ANKS1B: variants seen among roughly 807,000 people sequenced by gnomAD.
ANKS1B encodes ankyrin repeat and sterile alpha motif domain-containing protein 1B.
In ANKS1B, 36 loss-of-function variants were observed where a neutral mutation model predicts 148.3. The ratio of observed to expected loss-of-function variants is 0.24; its 90% CI spans 0.19 to 0.32. ANKS1B has a LOEUF of 0.32. ANKS1B is among the 10% of genes least tolerant of loss of function. ANKS1B has a pLI of 1.00. For missense variants in ANKS1B, 1,157 were observed against 1,542.6 expected (o/e 0.75, Z 4.19); for synonymous variants, 542 against 560.8 (o/e 0.97, Z 0.47).
At chr12:99,190,047 T>C (rs2638577) in intron 14 of ANKS1B, among the ~76,000 whole-genome samples, 103,181 of 151,932 alleles carry the variant, frequency 0.68, 36,743 homozygotes, top group Admixed American at 0.8. Context: ...ACATCAATAA[T>C]AGACAAACAG....
intron 10 of ANKS1B, among the ~76,000 whole-genome samples, chr12:99,465,599 T>C (rs1362368570): frequency 1.3e-5 from 2 of 151,870 alleles, no homozygotes; most frequent in Admixed American, 6.6e-5. Context: ...TGGAGGAAGA[T>C]CTACCAAGCA....
chr12:99,874,571 A>C (rs2153731374), intron 1 of ANKS1B, among the ~76,000 whole-genome samples: 1 of 152,338 alleles, frequency 6.6e-6, no homozygotes, highest in South Asian at 2.1e-4. Flanking sequence ...TCAAACTAAA[A>C]GAGGCATAGC....
chr12:99,879,100 T>C (rs1332696265), intron 1 of ANKS1B, among the ~76,000 whole-genome samples: 1 of 152,106 alleles, frequency 6.6e-6, no homozygotes, highest in Non-Finnish European at 1.5e-5. Context: ...GCTTAATGAG[T>C]AGTAAGCTTT....
chr12:98,933,924 T>C (rs755299050), intron 17 of ANKS1B, among the ~76,000 whole-genome samples: 13 of 152,112 alleles, frequency 8.5e-5, no homozygotes, highest in Admixed American at 1.3e-4. Flanking sequence ...ATCTGATATA[T>C]GGTTTGCAAA....
intron 15 of ANKS1B, among the ~76,000 whole-genome samples, chr12:99,105,520 AT>A (rs1566104357): frequency 6.6e-6 from 1 of 151,996 alleles, no homozygotes; most frequent in Admixed American, 6.6e-5. Flanking sequence ...TAAAAACAAA[AT>A]TTTTTGGGAG....
chr12:99,482,040 G>C (rs2096418876), intron 10 of ANKS1B, among the ~76,000 whole-genome samples: 1 of 151,700 alleles, frequency 6.6e-6, no homozygotes, highest in Non-Finnish European at 1.5e-5. Context: ...AGTTTAATTA[G>C]GTCCCATTTA....
intron 17 of ANKS1B, among the ~76,000 whole-genome samples, chr12:98,922,470 T>C (rs768367820): frequency 1.3e-5 from 2 of 152,170 alleles, no homozygotes; most frequent in Non-Finnish European, 2.9e-5. Context: ...ATTAAGTTAA[T>C]GTAACTGTTT....
chr12:99,701,612 T>C (rs2054834002), intron 8 of ANKS1B, among the ~76,000 whole-genome samples: 1 of 152,150 alleles, frequency 6.6e-6, no homozygotes, highest in Non-Finnish European at 1.5e-5. Context: ...CCTGTTGTGC[T>C]ATTAAATACT....
chr12:99,496,127 G>C (rs113441147), intron 10 of ANKS1B, among the ~76,000 whole-genome samples: 5 of 152,240 alleles, frequency 3.3e-5, no homozygotes, highest in African/African-American at 1.2e-4. Flanking sequence ...CTTTGCTGGT[G>C]GTTTTGTAAA....
chr12:99,245,134 C>T (rs1275046801), intron 13 of ANKS1B, among the ~76,000 whole-genome samples: 2 of 152,170 alleles, frequency 1.3e-5, no homozygotes, highest in Non-Finnish European at 1.5e-5. Flanking sequence ...GGATTACAGG[C>T]ATGAGCCACC....
chr12:98,810,101 A>G (rs1002251111), intron 19 of ANKS1B, among the ~76,000 whole-genome samples: 1 of 152,216 alleles, frequency 6.6e-6, no homozygotes, highest in African/African-American at 2.4e-5. Context: ...AACAATTTGC[A>G]CCTCCACCAG....
At chr12:99,971,387 C>T (rs1430358813) in intron 1 of ANKS1B, among the ~76,000 whole-genome samples, 1 of 152,110 alleles carries the variant, frequency 6.6e-6, no homozygotes, top group African/African-American at 2.4e-5. Context: ...TTGCTGCTTC[C>T]CCCAAACACA....
intron 4 of ANKS1B, among the ~76,000 whole-genome samples, chr12:99,788,714 T>G (rs942401924): frequency 6.6e-6 from 1 of 152,104 alleles, no homozygotes; most frequent in African/African-American, 2.4e-5. Flanking sequence ...GAATCTGTCC[T>G]GGACCAGAGG....
intron 11 of ANKS1B, among the ~76,000 whole-genome samples, chr12:99,437,518 C>T (rs2095481153): frequency 1.3e-5 from 2 of 151,712 alleles, no homozygotes; most frequent in African/African-American, 2.4e-5. Flanking sequence ...TTTTTCTGCC[C>T]GTGGTCACTT....
chr12:99,201,583 G>A (rs1199076605), intron 14 of ANKS1B, among the ~76,000 whole-genome samples: 1 of 152,048 alleles, frequency 6.6e-6, no homozygotes, highest in East Asian at 1.9e-4. Context: ...ATGCCAACAC[G>A]CTCCTGTCTT....
chr12:99,156,139 C>T (rs1386301972), intron 14 of ANKS1B, among the ~76,000 whole-genome samples: 1 of 152,086 alleles, frequency 6.6e-6, no homozygotes, highest in African/African-American at 2.4e-5. Context: ...ACTTTCCTGG[C>T]ACACAGACAT....
At chr12:99,809,259 C>T (rs1373593854) in intron 3 of ANKS1B, among the ~76,000 whole-genome samples, 2 of 151,750 alleles carry the variant, frequency 1.3e-5, no homozygotes, top group African/African-American at 4.8e-5. Context: ...AAGCCATTTA[C>T]CAAAAACTCT....
At chr12:98,959,298 T>A (rs2099867394) in intron 17 of ANKS1B, among the ~76,000 whole-genome samples, 1 of 152,178 alleles carries the variant, frequency 6.6e-6, no homozygotes, top group African/African-American at 2.4e-5. Flanking sequence ...CTCTGTCCCA[T>A]CTCTGTTCTG....
At chr12:99,983,998 T>A in intron 1 of ANKS1B, 106 bp downstream of exon 1, 1 of 1,006,476 alleles carries the variant, frequency 9.9e-7, no homozygotes, top group Non-Finnish European at 1.5e-6. Context: ...AATTTAAGAA[T>A]GAATCGCTGG....
Sources: gnomAD v4.1 joint callset for allele counts (sites outside exome capture counted in the v4.1 genomes callset) on GRCh38, gnomAD v4.1.1 for gene constraint, MANE v1.5 for transcripts, NCBI Gene and HGNC (gene_info 2026-07-23, HGNC 2026-07-21) for gene names.